Variants in TMEM170B observed in about 807,000 individuals in gnomAD.
TMEM170B encodes the protein transmembrane protein 170B.
Under a neutral mutation model 13.0 loss-of-function variants are expected in TMEM170B, and 6 were observed. That is an observed-to-expected ratio of 0.46 (90% confidence interval 0.25 to 0.91). The LOEUF is 0.91. Among genes scored for constraint, TMEM170B ranks in the 40% least tolerant of loss-of-function variants. The pLI is 0.17. For missense variants in TMEM170B, 138 were observed against 165.2 expected, an observed-to-expected ratio of 0.84 and a Z score of 0.90; for synonymous variants, 61 against 64.9, an observed-to-expected ratio of 0.94 and a Z score of 0.29.
chr6:11,574,448 C>T (rs1375287823), intron 2 of TMEM170B, among the ~76,000 whole-genome samples: 2 of 152,028 alleles, frequency 1.3e-5, no homozygotes, highest in African/African-American at 2.4e-5. Context: ...AAATTATATT[C>T]TAATTTTCAT....
intron 2 of TMEM170B, among the ~76,000 whole-genome samples, chr6:11,567,881 C>T (rs1759756160): frequency 6.6e-6 from 1 of 152,118 alleles, no homozygotes; most frequent in Non-Finnish European, 1.5e-5. Context: ...CCATGGAAAA[C>T]AAATGGATAT....
At chr6:11,559,480 C>A (rs1046944375) in intron 1 of TMEM170B, among the ~76,000 whole-genome samples, 3 of 152,046 alleles carry the variant, frequency 2.0e-5, no homozygotes, top group Non-Finnish European at 2.9e-5. Context: ...GCTACTGTGC[C>A]CAGCTTCTTG....
rs1265512593 is a variant in TMEM170B, at chr6:11,562,786, A to G, written c.98-2880A>G. On this transcript the variant is annotated intron_variant, in intron 1 of 2. Coordinates refer to ENST00000379426, the MANE Select transcript of TMEM170B (RefSeq NM_001100829.3). ...TTCTTCTACACTTGTACTCTTCTCT[A>G]TTGTGTATTTAGTTCTATACAATTG... is the stretch of plus-strand genomic sequence containing the variant. Among the ~76,000 whole-genome samples, 4 of 152,060 alleles carry G rather than the reference A, an allele frequency of 2.6e-5. No individual in the cohort carries two copies. In the South Asian group the frequency reaches 8.3e-4, roughly 32 times the overall value.
Position 11,575,860 on chromosome 6 carries a change from G to A in TMEM170B, c.*299G>A, listed in dbSNP as rs149003983. The A allele has an allele frequency of 1.4e-5, 3 of 216,808 alleles. No homozygotes were observed. Among genetic ancestry groups the A allele is most frequent in the Admixed American group, 5.4e-5 (1 of 18,532 alleles). 13.4% of individuals were successfully genotyped at this position (216,808 alleles called of 1,614,324 possible). On this transcript the variant is annotated 3_prime_UTR_variant, in exon 3 of 3. Transcript: ENST00000379426. The surrounding 1 kb of genome is among the most constrained non-coding windows in gnomAD (Gnocchi z 4.1). Reference sequence around the variant, plus strand: ...GGTTAACATTGGTGTTGAAATCATCGTTCCTAACAGTGTTATGTTAAGTTA... The same window carrying A: ...GGTTAACATTGGTGTTGAAATCATCATTCCTAACAGTGTTATGTTAAGTTA...
intron 1 of TMEM170B, among the ~76,000 whole-genome samples, chr6:11,556,728 C>G (rs1759594441): frequency 6.6e-6 from 1 of 152,174 alleles, no homozygotes; most frequent in African/African-American, 2.4e-5. Flanking sequence ...TTTTCTGCTT[C>G]TCTCCCAGGA....
chr6:11,566,813 G>A (rs182913133), intron 2 of TMEM170B, among the ~76,000 whole-genome samples: 9 of 152,324 alleles, frequency 5.9e-5, no homozygotes, highest in Non-Finnish European at 8.8e-5. Context: ...TTACACTTGG[G>A]AGGCGAGCAT....
intron 1 of TMEM170B, among the ~76,000 whole-genome samples, chr6:11,544,418 T>C (rs1366680656): frequency 6.6e-6 from 1 of 152,208 alleles, no homozygotes; most frequent in African/African-American, 2.4e-5. Flanking sequence ...TACTTAAAAG[T>C]ACCCTGGTAA....
At position 11,576,956 on chromosome 6, in the gene TMEM170B, T is replaced by G. The variant is rs763930097; in HGVS notation, c.*1395T>G. 5.3e-5 allele frequency: 8 copies of G among 152,060 alleles called. No homozygotes were observed. Among genetic ancestry groups the G allele is most frequent in the Admixed American group, 3.3e-4 (5 of 15,262 alleles). The allele number at this position is 152,060 out of a possible 1,614,324, so 9.4% of individuals were successfully genotyped here. On this transcript the variant is annotated 3_prime_UTR_variant, in exon 3 of 3. Coordinates refer to ENST00000379426, the MANE Select transcript of TMEM170B (RefSeq NM_001100829.3). Reference sequence around the variant, plus strand: ...AGTATAGGAAGTAGGGTTGAACTGGTCTCCTAATGAGATTTTTTTTGGCAC... The same window carrying G: ...AGTATAGGAAGTAGGGTTGAACTGGGCTCCTAATGAGATTTTTTTTGGCAC...
chr6:11,550,127 A>G (rs191758472), intron 1 of TMEM170B, among the ~76,000 whole-genome samples: 6 of 151,358 alleles, frequency 4.0e-5, no homozygotes, highest in Admixed American at 3.9e-4. Flanking sequence ...CACGAGCCAC[A>G]GTGCCCTGCC....
intron 2 of TMEM170B, among the ~76,000 whole-genome samples, chr6:11,572,803 A>G (rs112160843): frequency 2.0e-5 from 3 of 152,264 alleles, no homozygotes; most frequent in African/African-American, 7.2e-5. Flanking sequence ...CATACCGCAT[A>G]CATACACACA....
Position 11,575,792 on chromosome 6 carries a change from A to G in TMEM170B, c.*231A>G, listed in dbSNP as rs981279594. 5.5e-6 allele frequency: 2 copies of G among 364,574 alleles called. No homozygotes were observed. Among genetic ancestry groups the G allele is most frequent in the East Asian group, 4.6e-5 (1 of 21,712 alleles). 22.6% of individuals were successfully genotyped at this position (364,574 alleles called of 1,614,324 possible). ...CTCAGGCAAGGTGCATTAAGACACT[A>G]TGTAAAGTTACAAGAAAAAGCACCT... On this transcript the variant is annotated 3_prime_UTR_variant, in exon 3 of 3. Transcript: ENST00000379426. This position sits in a 1 kb window ranked among gnomAD's most constrained non-coding sequence, Gnocchi z 4.1.
chr6:11,575,604 T>A lies in TMEM170B; in HGVS notation c.*43T>A. 1 of 1,605,034 alleles carries A rather than the reference T, an allele frequency of 6.2e-7. No homozygotes were observed. On this transcript the variant is annotated 3_prime_UTR_variant, in exon 3 of 3. Transcript: ENST00000379426. This position sits in a 1 kb window ranked among gnomAD's most constrained non-coding sequence, Gnocchi z 4.1. ...CTTACTTCACATAAGGAAACAGATG[T>A]ACAGATTCCCTGAAAACGGCATTGT...
At chr6:11,545,133 A>G (rs976826904) in intron 1 of TMEM170B, among the ~76,000 whole-genome samples, 4 of 152,102 alleles carry the variant, frequency 2.6e-5, no homozygotes, top group African/African-American at 9.7e-5. Context: ...GGTCCCTGGG[A>G]AAAAGATGAG....
intron 1 of TMEM170B, among the ~76,000 whole-genome samples, chr6:11,551,142 A>T (rs573994136): frequency 6.6e-6 from 1 of 152,146 alleles, no homozygotes; most frequent in Non-Finnish European, 1.5e-5. Context: ...AGGGGCATTC[A>T]TGTGGCTCTT....
At chr6:11,546,035 AGGC>A (rs1759435978) in intron 1 of TMEM170B, among the ~76,000 whole-genome samples, 1 of 147,572 alleles carries the variant, frequency 6.8e-6, no homozygotes, top group Non-Finnish European at 1.5e-5. Context: ...AAAAAAAAAA[AGGC>A]AAGCTGTAAA....
intron 1 of TMEM170B, among the ~76,000 whole-genome samples, chr6:11,558,326 C>G (rs1759616667): frequency 6.6e-6 from 1 of 152,180 alleles, no homozygotes; most frequent in Non-Finnish European, 1.5e-5. Flanking sequence ...ACAGCCTCAT[C>G]TTACCATATT....
At chr6:11,559,197 C>CT (rs754732208) in intron 1 of TMEM170B, among the ~76,000 whole-genome samples, 1,812 of 139,750 alleles carry the variant, frequency 0.013, 16 homozygotes, top group Middle Eastern at 0.018. Context: ...CTTTTCTTTT[C>CT]TTTTTTTTTT....
In TMEM170B at chr6:11,565,765, A is replaced by G. The variant is rs1759724427; in HGVS notation, c.197A>G (p.Gln66Arg). The change falls in exon 2 of 3, where the codon CAG becomes CGG. Residue 66 changes from glutamine to arginine, a missense_variant. Gln to Arg is a conservative substitution (Grantham distance 43). Coordinates refer to ENST00000379426, the MANE Select transcript of TMEM170B (RefSeq NM_001100829.3). ...TTTGTGATGCTGCAGAGGCATAGGC[A>G]GGGAAGAGTCATCTCTGTCATTGCA... is the stretch of plus-strand genomic sequence containing the variant. ...LMFVMLQRHR[Q>R]GRVISVIAVS... 3 of 1,614,084 alleles carry G rather than the reference A, an allele frequency of 1.9e-6. No individual in the cohort carries two copies. Among genetic ancestry groups the G allele is most frequent in the Non-Finnish European group, 2.5e-6 (3 of 1,180,030 alleles).
intron 1 of TMEM170B, among the ~76,000 whole-genome samples, chr6:11,562,758 T>C (rs1233524803): frequency 6.6e-6 from 1 of 152,182 alleles, no homozygotes; most frequent in Admixed American, 6.5e-5. Flanking sequence ...ATTTTGCTAG[T>C]ATTTCTTCTA....
Sources: allele counts gnomAD v4.1 joint callset (sites outside exome capture counted in the v4.1 genomes callset), GRCh38; gene constraint gnomAD v4.1.1; non-coding constraint Gnocchi (gnomAD v3.1); transcripts MANE v1.5; gene names NCBI Gene and HGNC (gene_info 2026-07-23, HGNC 2026-07-21).